DEAF1: variants seen among roughly 807,000 people sequenced by gnomAD.
DEAF1 encodes the protein DEAF1 transcription factor.
In DEAF1, 53 loss-of-function variants were observed where a neutral mutation model predicts 58.9. The ratio of observed to expected loss-of-function variants is 0.90; its 90% CI spans 0.72 to 1.13. The LOEUF (loss-of-function observed/expected upper bound fraction) is 1.13, where lower values mean the gene tolerates loss of function less well. Ranked by LOEUF, DEAF1 falls within the 50% of genes most tolerant of loss-of-function variation. The pLI is 0.00. For synonymous variants in DEAF1, 385 were observed against 340.4 expected (o/e 1.13, Z -1.44); for missense variants, 685 against 791.4 (o/e 0.87, Z 1.61).
At chr11:698,707 G>A (rs769331780), upstream of DEAF1, among the ~76,000 whole-genome samples, 16 of 152,184 alleles carry the variant, frequency 1.1e-4, no homozygotes, top group Non-Finnish European at 1.5e-4. Context: ...AGAGAGGCAC[G>A]GGAGCTATCT....
chr11:677,865 A>G (rs1860145358), intron 9 of DEAF1, among the ~76,000 whole-genome samples: 1 of 152,024 alleles, frequency 6.6e-6, no homozygotes, highest in African/African-American at 2.4e-5. Flanking sequence ...CAGGAGGCTG[A>G]GGCAGGAGAA....
chr11:661,034 C>T (rs1859298535), intron 10 of DEAF1, among the ~76,000 whole-genome samples: 1 of 152,182 alleles, frequency 6.6e-6, no homozygotes. Context: ...TGTTACTGTC[C>T]AACTTACGTA....
chr11:698,734 T>G (rs1590034386), upstream of DEAF1: 114 of 1,006,508 alleles, frequency 1.1e-4, no homozygotes, highest in Admixed American at 4.1e-4. Context: ...AGGCCCACGG[T>G]ATATGTTTGC....
rs780490943 is a variant in DEAF1, at chr11:688,034, G to A, written c.541C>T (p.Leu181=). 3 of 1,613,962 alleles carry A rather than the reference G, an allele frequency of 1.9e-6. No individual in the cohort carries two copies. In the Admixed American group the frequency reaches 5.0e-5, roughly 27 times the overall value. ...TPGPQSPPTP[L]APGQEKGGTK... ...CCACCTTTTTCTTGGCCGGGAGCCAGAGGGGTTGGAGGAGACTGAGGACCT... is the reference window on the plus strand; with the variant it reads ...CCACCTTTTTCTTGGCCGGGAGCCAAAGGGGTTGGAGGAGACTGAGGACCT... The change falls in exon 4 of 12, where the codon CTG becomes TTG. Residue 181 remains leucine, a synonymous_variant. Coordinates refer to ENST00000382409, the MANE Select transcript of DEAF1 (RefSeq NM_021008.4). This position sits in a 1 kb window ranked among gnomAD's most constrained non-coding sequence, Gnocchi z 4.3.
At position 644,395 on chromosome 11, in the gene DEAF1, C is replaced by G. The variant is rs547492958; in HGVS notation, c.*155G>C. 2.9e-6 allele frequency: 2 copies of G among 688,592 alleles called. No homozygotes were observed. The highest frequency in any genetic ancestry group is 5.2e-6 in the Non-Finnish European group (2 of 383,394). The allele number at this position is 688,592 out of a possible 1,614,324, so 42.7% of individuals were successfully genotyped here. The stretch of plus-strand genomic sequence containing the variant: ...GGAGTGCGCTTCCCAGGGCACCATT[C>G]GCTTAAAGTGTGTTAATGACTTGTC... On this transcript the variant is annotated 3_prime_UTR_variant, in exon 12 of 12. Coordinates refer to ENST00000382409, the MANE Select transcript of DEAF1 (RefSeq NM_021008.4). This position sits in a 1 kb window ranked among gnomAD's most constrained non-coding sequence, Gnocchi z 4.3.
In DEAF1 at chr11:648,441, C is replaced by T. The variant is rs1446808941; in HGVS notation, c.1594-3787G>A. On this transcript the variant is annotated intron_variant, in intron 11 of 11. Transcript: ENST00000382409. ...CGATCTCCTGACCTCGTGATCCGCC[C>T]GCCTCGGCCTCCCAAAGTGCTGGGA... Among the ~76,000 whole-genome samples the T allele has an allele frequency of 6.6e-5, 10 of 152,194 alleles. No individual in the cohort carries two copies. The East Asian group carries it at 1.4e-3, about 21-fold the overall frequency.
Position 691,555 on chromosome 11 carries a change from G to T in DEAF1, c.333C>A (p.Asp111Glu). 1 of 1,613,806 alleles carries T rather than the reference G, an allele frequency of 6.2e-7. No individual in the cohort carries two copies. Among genetic ancestry groups the T allele is most frequent in the Non-Finnish European group, 8.5e-7 (1 of 1,180,012 alleles). Residue 111 changes from aspartate (D) to glutamate (E), a missense_variant, in exon 2 of 12, where the codon GAC becomes GAA. Physicochemically the swap from Asp to Glu is conservative, Grantham distance 45. This residue lies in a region of DEAF1 where 210 missense variants were observed against 177.3 expected (regional missense o/e 1.18). Transcript: ENST00000382409. ...VTVANVGAAA[D>E]NVFTTSVANA... ...TCGCCACAGACGTGGTGAAGACATT[G>T]TCTGCAGCAGCCCCCACGTTGGCCA...
chr11:684,596 T>C (rs1192060164), intron 6 of DEAF1, among the ~76,000 whole-genome samples: 1 of 151,792 alleles, frequency 6.6e-6, no homozygotes, highest in Non-Finnish European at 1.5e-5. Context: ...AGGAAAAGCG[T>C]GTATGTTTAG....
intron 10 of DEAF1, among the ~76,000 whole-genome samples, chr11:670,040 A>T (rs1187624306): frequency 6.6e-6 from 1 of 151,442 alleles, no homozygotes; most frequent in Non-Finnish European, 1.5e-5. Flanking sequence ...ACTGCACTCC[A>T]GCCTGAGTGA....
At chr11:700,306 C>T in intron 1 of DEAF1, 1 of 1,370,830 alleles carries the variant, frequency 7.3e-7, no homozygotes, top group Non-Finnish European at 1.0e-6. Context: ...GTGGGCGGAT[C>T]ACTTGAGGTC....
At chr11:704,988 G>C (rs1280951203) in intron 1 of DEAF1, 1 of 271,570 alleles carries the variant, frequency 3.7e-6, no homozygotes, top group Non-Finnish European at 7.3e-6. Context: ...GCAGGATCAC[G>C]GCAGGTTCCT....
chr11:702,976 G>A (rs1484837897), intron 1 of DEAF1: 2 of 1,610,088 alleles, frequency 1.2e-6, no homozygotes, highest in Non-Finnish European at 1.7e-6. Flanking sequence ...AGGCTGAGAG[G>A]CCGCTGGCCG....
At chr11:650,468 G>A (rs1564922577) in intron 11 of DEAF1, among the ~76,000 whole-genome samples, 2 of 146,174 alleles carry the variant, frequency 1.4e-5, no homozygotes, top group Non-Finnish European at 3.0e-5. Flanking sequence ...GAATGCTTAA[G>A]AGCCAAGGAC....
intron 11 of DEAF1, among the ~76,000 whole-genome samples, chr11:645,148 AC>A (rs1858426027): frequency 7.2e-6 from 1 of 138,962 alleles, no homozygotes; most frequent in South Asian, 2.5e-4. Context: ...GGGTGACAGA[AC>A]AACTCCATAT....
At chr11:679,928 C>G in intron 7 of DEAF1, 112 bp from the exon 8 acceptor site, 1 of 1,445,062 alleles carries the variant, frequency 6.9e-7, no homozygotes, top group East Asian at 2.4e-5. Context: ...GAAGGGCGGG[C>G]AGTGGTAACT....
chr11:682,211 G>A (rs1347678558), intron 6 of DEAF1, among the ~76,000 whole-genome samples: 3 of 152,184 alleles, frequency 2.0e-5, no homozygotes, highest in Admixed American at 6.5e-5. Context: ...GTAGTCAAGT[G>A]TCAGAATCAA....
rs2133377435 is a variant in DEAF1, at chr11:678,759, T to C, written c.1190A>G (p.Tyr397Cys). 3 of 1,614,176 alleles carry C rather than the reference T, an allele frequency of 1.9e-6. No homozygotes were observed. The highest frequency in any genetic ancestry group is 1.7e-5 in the Admixed American group (1 of 60,028). The change falls in exon 9 of 12, where the codon TAT becomes TGT. Residue 397 changes from tyrosine to cysteine, a missense_variant. Tyr to Cys is a radical substitution (Grantham distance 194). Coordinates refer to ENST00000382409, the MANE Select transcript of DEAF1 (RefSeq NM_021008.4). ...ASHPEPHYPG[Y>C]QDSCQIAPFP... The stretch of plus-strand genomic sequence containing the variant: ...CGGTGCGATCTGGCAGCTGTCCTGA[T>C]AGCCGGGGTAGTGAGGCTCAGGGTG...
At chr11:702,137 C>T (rs918403262) in intron 1 of DEAF1, among the ~76,000 whole-genome samples, 2 of 152,164 alleles carry the variant, frequency 1.3e-5, no homozygotes, top group African/African-American at 4.8e-5. Context: ...GAAGGGTGGC[C>T]CCCACCCTTC....
intron 4 of DEAF1, 53 bp downstream of exon 4, chr11:687,858 A>AG (rs974442146): frequency 7.0e-5 from 113 of 1,603,422 alleles, no homozygotes; most frequent in Admixed American, 1.2e-4. Context: ...AATTTATGCT[A>AG]GGGGGGTTAC....
Sources: gnomAD v4.1 joint callset for allele counts (sites outside exome capture counted in the v4.1 genomes callset) on GRCh38, gnomAD v4.1.1 for gene constraint, gnomAD v4.1.1 regional missense constraint, Gnocchi (gnomAD v3.1) non-coding constraint, MANE v1.5 for transcripts, NCBI Gene and HGNC (gene_info 2026-07-23, HGNC 2026-07-21) for gene names.